VRK2: variants seen among roughly 807,000 people sequenced by gnomAD.
VRK2 encodes serine/threonine-protein kinase VRK2.
A neutral mutation model predicts 57.6 loss-of-function variants in VRK2; 60 were observed. The observed-to-expected ratio is 1.04, with a 90% CI of 0.85 to 1.29. VRK2 has a LOEUF of 1.29. VRK2 is among the 50% of genes most tolerant of loss of function. The pLI is 0.00. For missense variants in VRK2, 705 were observed against 588.1 expected, an observed-to-expected ratio of 1.20 and a Z score of -2.06; for synonymous variants, 231 against 199.2, an observed-to-expected ratio of 1.16 and a Z score of -1.35.
chr2:58,127,953 A>G (rs1678614471), intron 8 of VRK2, among the ~76,000 whole-genome samples: 1 of 152,198 alleles, frequency 6.6e-6, no homozygotes, highest in Non-Finnish European at 1.5e-5. Context: ...GAATTGGGCT[A>G]GTTAATTTTA....
chr2:57,920,114 C>T (rs190250768), intron 1 of VRK2, among the ~76,000 whole-genome samples: 1 of 152,120 alleles, frequency 6.6e-6, no homozygotes, highest in East Asian at 1.9e-4. Context: ...TTTTAAACAC[C>T]TAACTTATTG....
At chr2:58,021,867 A>G (rs1180874676) in intron 1 of VRK2, among the ~76,000 whole-genome samples, 3 of 152,210 alleles carry the variant, frequency 2.0e-5, no homozygotes, top group East Asian at 1.9e-4. Context: ...TCAAGTTCCA[A>G]TGTCCCTGAC....
In VRK2 at chr2:58,007,975, C is replaced by T. The variant is rs573853404; in HGVS notation, c.-438-17690C>T. 2.0e-5 allele frequency among the ~76,000 whole-genome samples: 3 copies of T among 152,022 alleles called. 1 individual carries two copies. In the South Asian group the frequency reaches 6.2e-4, roughly 32 times the overall value. ...CAATAATGCTGACTACTTTAACAAA[C>T]TTGTCTCTGTAAATAACAGAAGAAG... On this transcript the variant is annotated intron_variant, in intron 1 of 15. Coordinates refer to the VRK2 transcript ENST00000417641.
chr2:58,008,233 G>A (rs10168038), intron 1 of VRK2, among the ~76,000 whole-genome samples: 1 of 151,746 alleles, frequency 6.6e-6, no homozygotes, highest in Non-Finnish European at 1.5e-5. Context: ...GGTCAAATAA[G>A]ATCTATATAG....
chr2:58,062,860 C>A (rs367915219), intron 2 of VRK2, among the ~76,000 whole-genome samples: 15 of 152,044 alleles, frequency 9.9e-5, no homozygotes, highest in African/African-American at 3.6e-4. Context: ...TAGCTGAGAT[C>A]AATGATGAAG....
intron 1 of VRK2, 169 bp from the exon 2 acceptor site, chr2:58,048,658 C>A: frequency 1.3e-6 from 2 of 1,504,412 alleles, no homozygotes; most frequent in Non-Finnish European, 1.8e-6. Flanking sequence ...ATGTGAATTT[C>A]TAATTTGAAT....
intron 1 of VRK2, among the ~76,000 whole-genome samples, chr2:57,977,808 G>C (rs868743548): frequency 4.6e-5 from 7 of 151,144 alleles, no homozygotes; most frequent in Non-Finnish European, 1.0e-4. Context: ...TTTTCAGGTG[G>C]AATGATTCCA....
At chr2:57,966,699 G>A (rs1340230774) in intron 1 of VRK2, among the ~76,000 whole-genome samples, 2 of 149,106 alleles carry the variant, frequency 1.3e-5, no homozygotes, top group African/African-American at 4.9e-5. Flanking sequence ...GAAACTTAAA[G>A]TAAAAACAGA....
intron 1 of VRK2, among the ~76,000 whole-genome samples, chr2:57,921,402 T>C (rs1277544994): frequency 1.3e-5 from 2 of 151,932 alleles, no homozygotes; most frequent in African/African-American, 4.8e-5. Flanking sequence ...TACTATATCT[T>C]CAGAGAATAG....
intron 11 of VRK2, among the ~76,000 whole-genome samples, chr2:58,144,666 G>T (rs1268257762): frequency 6.6e-6 from 1 of 151,926 alleles, no homozygotes; most frequent in Non-Finnish European, 1.5e-5. Context: ...ATGGTATCAG[G>T]TACATTTATT....
At chr2:58,155,614 G>A (rs549022572) in intron 12 of VRK2, among the ~76,000 whole-genome samples, 1 of 151,952 alleles carries the variant, frequency 6.6e-6, no homozygotes, top group Non-Finnish European at 1.5e-5. Flanking sequence ...GTGTGAGGAC[G>A]GTCAACAGGG....
chr2:58,101,795 A>G (rs1196064767), intron 7 of VRK2, among the ~76,000 whole-genome samples: 1 of 151,732 alleles, frequency 6.6e-6, no homozygotes, highest in African/African-American at 2.4e-5. Flanking sequence ...TATGTACATC[A>G]GGAGAGCATG....
chr2:57,934,084 T>A (rs1670826390), intron 1 of VRK2, among the ~76,000 whole-genome samples: 1 of 152,230 alleles, frequency 6.6e-6, no homozygotes, highest in Admixed American at 6.5e-5. Flanking sequence ...TATTTTTATA[T>A]CATGTATCTG....
intron 1 of VRK2, among the ~76,000 whole-genome samples, chr2:57,952,333 T>A (rs1671452442): frequency 6.6e-6 from 1 of 152,140 alleles, no homozygotes; most frequent in Admixed American, 6.6e-5. Flanking sequence ...GAAAGGGAAA[T>A]GCAATGTCTT....
At chr2:58,065,203 C>T (rs1191033837) in intron 2 of VRK2, among the ~76,000 whole-genome samples, 4 of 151,978 alleles carry the variant, frequency 2.6e-5, no homozygotes, top group African/African-American at 7.2e-5. Context: ...AATTTTAACA[C>T]ACCCACCAAC....
At chr2:57,948,342 A>C (rs146135855) in intron 1 of VRK2, among the ~76,000 whole-genome samples, 37 of 152,280 alleles carry the variant, frequency 2.4e-4, no homozygotes, top group African/African-American at 8.9e-4. Context: ...AGTGTCTACT[A>C]TGCACAATAC....
chr2:58,071,483 C>G (rs1384607212), intron 2 of VRK2, among the ~76,000 whole-genome samples: 1 of 152,042 alleles, frequency 6.6e-6, no homozygotes, highest in Admixed American at 6.6e-5. Flanking sequence ...TATGAAAGAT[C>G]AGTGTCTAGA....
intron 1 of VRK2, among the ~76,000 whole-genome samples, chr2:57,911,588 CA>C (rs1485634379): frequency 1.3e-5 from 2 of 152,034 alleles, no homozygotes; most frequent in Non-Finnish European, 2.9e-5. Context: ...CTGATTCATT[CA>C]AAGAGGTAAG....
chr2:57,996,111 T>A (rs773525108), intron 1 of VRK2, among the ~76,000 whole-genome samples: 1 of 152,254 alleles, frequency 6.6e-6, no homozygotes, highest in Non-Finnish European at 1.5e-5. Flanking sequence ...GTGCATAAGT[T>A]ATATGCAAAT....
Sources: gnomAD v4.1 joint callset for allele counts (sites outside exome capture counted in the v4.1 genomes callset) on GRCh38, gnomAD v4.1.1 for gene constraint, MANE v1.5 for transcripts, NCBI Gene and HGNC (gene_info 2026-07-23, HGNC 2026-07-21) for gene names.